Variants in SAMMSON observed in about 807,000 individuals in gnomAD.
The protein encoded by SAMMSON is long intergenic non-protein coding RNA 1212.
chr3:70,330,576 AT>A (rs1339069135), intron 7 of SAMMSON, among the ~76,000 whole-genome samples: 4 of 152,092 alleles, frequency 2.6e-5, no homozygotes, highest in Non-Finnish European at 5.9e-5. Context: ...ACATTCCTTC[AT>A]TTATATTTCC....
chr3:70,247,063 T>G (rs1701714475), intron 4 of SAMMSON, among the ~76,000 whole-genome samples: 1 of 151,972 alleles, frequency 6.6e-6, no homozygotes, highest in African/African-American at 2.4e-5. Context: ...TTTTCTTTAG[T>G]TTATTTTCCT....
At chr3:70,308,975 A>G (rs1262362650) in intron 7 of SAMMSON, among the ~76,000 whole-genome samples, 2 of 152,188 alleles carry the variant, frequency 1.3e-5, no homozygotes, top group Non-Finnish European at 2.9e-5. Flanking sequence ...TTCCAGAGGG[A>G]GGCAGCAGAG....
chr3:70,019,787 A>G (rs1428789591), intron 3 of SAMMSON, among the ~76,000 whole-genome samples: 1 of 152,130 alleles, frequency 6.6e-6, no homozygotes, highest in Non-Finnish European at 1.5e-5. Context: ...GTGGTGACAA[A>G]CAGAAGTGCT....
intron 4 of SAMMSON, among the ~76,000 whole-genome samples, chr3:70,241,695 T>C (rs1343269411): frequency 2.0e-5 from 3 of 152,324 alleles, no homozygotes; most frequent in Non-Finnish European, 4.4e-5. Flanking sequence ...TGTTCAATCA[T>C]GTCCTGCTGT....
At chr3:70,134,134 C>A (rs536242254) in intron 4 of SAMMSON, among the ~76,000 whole-genome samples, 1 of 150,436 alleles carries the variant, frequency 6.6e-6, no homozygotes, top group East Asian at 2.0e-4. Context: ...GTGGCAGGTG[C>A]CTGTAATCCC....
At chr3:70,430,056 G>A (rs190758240) in intron 2 of SAMMSON, among the ~76,000 whole-genome samples, 65 of 152,204 alleles carry the variant, frequency 4.3e-4, no homozygotes, top group African/African-American at 1.5e-3. Context: ...GTTTTGAAGG[G>A]GAATGCTTCC....
At chr3:70,358,437 G>T (rs1240564114) in intron 9 of SAMMSON, 1 of 152,170 alleles carries the variant, frequency 6.6e-6, no homozygotes, top group East Asian at 1.9e-4. Context: ...ACCAGCATAT[G>T]GCACGGTATA....
chr3:70,125,047 A>G (rs1468049491), intron 4 of SAMMSON: 2 of 783,934 alleles, frequency 2.6e-6, no homozygotes, highest in Non-Finnish European at 4.4e-6. Flanking sequence ...AGGATTCAAA[A>G]GAAACCTTTA....
chr3:70,270,741 C>T (rs746518997), intron 6 of SAMMSON, among the ~76,000 whole-genome samples: 6 of 152,066 alleles, frequency 3.9e-5, no homozygotes, highest in African/African-American at 4.8e-5. Flanking sequence ...TGCCAGGACA[C>T]GGTTGAAGCT....
At chr3:70,304,422 G>A (rs1265503086) in intron 7 of SAMMSON, among the ~76,000 whole-genome samples, 3 of 152,126 alleles carry the variant, frequency 2.0e-5, no homozygotes, top group Admixed American at 2.0e-4. Context: ...TTTCCATGGG[G>A]ATACCTCAGA....
chr3:70,237,539 A>G (rs999018073), intron 4 of SAMMSON, among the ~76,000 whole-genome samples: 1 of 152,196 alleles, frequency 6.6e-6, no homozygotes, highest in Non-Finnish European at 1.5e-5. Flanking sequence ...TTGATGTCTT[A>G]CACCTCTTAC....
At chr3:70,351,051 A>G (rs1336571646) in intron 7 of SAMMSON, among the ~76,000 whole-genome samples, 1 of 152,162 alleles carries the variant, frequency 6.6e-6, no homozygotes, top group African/African-American at 2.4e-5. Flanking sequence ...ATCCTATTTC[A>G]GATATTATGA....
chr3:70,193,434 C>A (rs1701146733), intron 4 of SAMMSON, among the ~76,000 whole-genome samples: 1 of 152,264 alleles, frequency 6.6e-6, no homozygotes, highest in South Asian at 2.1e-4. Flanking sequence ...GCTAAGACTA[C>A]AGGAATACAC....
intron 4 of SAMMSON, among the ~76,000 whole-genome samples, chr3:70,247,753 G>A (rs1367610660): frequency 3.3e-5 from 5 of 151,702 alleles, no homozygotes. Flanking sequence ...TGGGACCAAG[G>A]TAAAAAAAGA....
chr3:69,999,609 C>T (rs1446356706), upstream of SAMMSON: 1 of 152,204 alleles, frequency 6.6e-6, no homozygotes, highest in Non-Finnish European at 1.5e-5. Flanking sequence ...GGCTCTACCC[C>T]CATGGATCTA....
At chr3:70,050,424 G>A (rs976250238) in intron 3 of SAMMSON, among the ~76,000 whole-genome samples, 2 of 152,092 alleles carry the variant, frequency 1.3e-5, no homozygotes, top group African/African-American at 2.4e-5. Flanking sequence ...AAAACCGAAG[G>A]CTATAGGGAC....
chr3:70,146,754 G>C (rs2067550644), intron 4 of SAMMSON, among the ~76,000 whole-genome samples: 1 of 151,842 alleles, frequency 6.6e-6, no homozygotes, highest in Admixed American at 6.6e-5. Flanking sequence ...TTAAGACAGG[G>C]GACAAAGCAA....
At chr3:70,304,684 C>G (rs1430653610) in intron 7 of SAMMSON, among the ~76,000 whole-genome samples, 1 of 152,206 alleles carries the variant, frequency 6.6e-6, no homozygotes, top group Non-Finnish European at 1.5e-5. Context: ...CAGTTACCAT[C>G]TTTTGCATGG....
At chr3:70,110,524 A>G (rs951266316) in intron 4 of SAMMSON, among the ~76,000 whole-genome samples, 7 of 152,142 alleles carry the variant, frequency 4.6e-5, no homozygotes, top group South Asian at 2.1e-4. Flanking sequence ...AACTGGTCCA[A>G]TGTCAGAATT....
Sources: gnomAD v4.1 joint callset for allele counts (sites outside exome capture counted in the v4.1 genomes callset) on GRCh38, gnomAD v4.1.1 for gene constraint, MANE v1.5 for transcripts, NCBI Gene and HGNC (gene_info 2026-07-23, HGNC 2026-07-21) for gene names.